SNX29: variants seen among roughly 807,000 people sequenced by gnomAD.
SNX29 encodes the protein sorting nexin-29.
In SNX29, 78 loss-of-function variants were observed where a neutral mutation model predicts 102.1. That is an observed-to-expected ratio of 0.76 (90% CI 0.64 to 0.92). The LOEUF is 0.92. Among genes scored for constraint, SNX29 ranks in the 40% least tolerant of loss-of-function variants. The pLI, the probability that SNX29 is intolerant of heterozygous loss-of-function variation, is 0.00. For missense variants in SNX29, 1,280 were observed against 1,061.7 expected (o/e 1.21, Z -2.86); for synonymous variants, 580 against 414.5 (o/e 1.40, Z -4.85).
At chr16:12,403,931 T>A (rs911729950) in intron 18 of SNX29, among the ~76,000 whole-genome samples, 6 of 152,098 alleles carry the variant, frequency 3.9e-5, no homozygotes, top group Non-Finnish European at 8.8e-5. Flanking sequence ...AGGCCAGCTG[T>A]CCGTGGGTTG....
At chr16:12,564,039 T>A (rs1567212604) in intron 20 of SNX29, among the ~76,000 whole-genome samples, 1 of 147,114 alleles carries the variant, frequency 6.8e-6, no homozygotes, top group South Asian at 2.2e-4. Context: ...GTTGCACCGG[T>A]AAAAGGTTGT....
At chr16:11,992,925 G>T (rs1210571288) in intron 1 of SNX29, among the ~76,000 whole-genome samples, 1 of 152,088 alleles carries the variant, frequency 6.6e-6, no homozygotes, top group Non-Finnish European at 1.5e-5. Flanking sequence ...ACTTCAGGAG[G>T]CTGAGGTGGG....
chr16:12,554,763 C>G (rs571547819), intron 20 of SNX29, among the ~76,000 whole-genome samples: 4 of 147,550 alleles, frequency 2.7e-5, no homozygotes, highest in African/African-American at 8.1e-5. Flanking sequence ...TTAGAACGTG[C>G]TCTCTCCCCC....
rs186557017 is a variant in SNX29, at chr16:12,542,066, C to G, written c.2318+17225C>G. Among the ~76,000 whole-genome samples the G allele has an allele frequency of 7.8e-4, 118 of 152,026 alleles. 1 individual carries two copies. In the Middle Eastern group the frequency reaches 0.01, roughly 13 times the overall value. On this transcript the variant is annotated intron_variant, in intron 20 of 20. Coordinates refer to ENST00000566228, the MANE Select transcript of SNX29 (RefSeq NM_032167.5). ...AGTTTGGCAAAGATATTCCTAGTCA[C>G]CAGTTAGTCCAAATCCTGCAATATT...
chr16:12,294,127 C>G (rs1015438709), intron 15 of SNX29, among the ~76,000 whole-genome samples: 12 of 152,376 alleles, frequency 7.9e-5, no homozygotes, highest in Admixed American at 7.2e-4. Flanking sequence ...AATCGAAATC[C>G]TAGCTCTAGG....
intron 16 of SNX29, among the ~76,000 whole-genome samples, chr16:12,379,985 G>A (rs1260533124): frequency 1.3e-5 from 2 of 152,078 alleles, no homozygotes; most frequent in East Asian, 1.9e-4. Flanking sequence ...ATGTCACAGA[G>A]CAAGTTGTCC....
At chr16:12,114,878 A>G (rs2053633789) in intron 11 of SNX29, among the ~76,000 whole-genome samples, 1 of 152,174 alleles carries the variant, frequency 6.6e-6, no homozygotes, top group Non-Finnish European at 1.5e-5. Flanking sequence ...AATCTATAAA[A>G]TGGGTTTGAT....
intron 3 of SNX29, among the ~76,000 whole-genome samples, chr16:12,023,315 A>T (rs1372442604): frequency 3.3e-5 from 5 of 151,070 alleles, no homozygotes; most frequent in African/African-American, 1.2e-4. Flanking sequence ...AATGGCAAGG[A>T]GGCAGCTGAC....
chr16:12,016,410 A>G (rs904204102), intron 3 of SNX29, among the ~76,000 whole-genome samples: 6 of 152,184 alleles, frequency 3.9e-5, no homozygotes, highest in Non-Finnish European at 8.8e-5. Flanking sequence ...CCAGTAGTTC[A>G]TAAGTCTACC....
chr16:12,125,981 T>A (rs1374157193), intron 11 of SNX29, among the ~76,000 whole-genome samples: 1 of 152,172 alleles, frequency 6.6e-6, no homozygotes, highest in Non-Finnish European at 1.5e-5. Flanking sequence ...TGGGGCTGAT[T>A]TCCCATATTG....
At chr16:12,500,502 T>A (rs9935286) in intron 19 of SNX29, among the ~76,000 whole-genome samples, 3 of 152,106 alleles carry the variant, frequency 2.0e-5, no homozygotes, top group Non-Finnish European at 4.4e-5. Flanking sequence ...CCCATGCCGT[T>A]ATGTGGATGA....
intron 15 of SNX29, among the ~76,000 whole-genome samples, chr16:12,282,974 T>A (rs1474105989): frequency 1.3e-5 from 2 of 152,162 alleles, no homozygotes; most frequent in Non-Finnish European, 2.9e-5. Context: ...AAGTCTTAAC[T>A]AGAGCTCAGA....
intron 20 of SNX29, among the ~76,000 whole-genome samples, chr16:12,567,166 A>T (rs1417411466): frequency 1.3e-5 from 2 of 152,200 alleles, no homozygotes; most frequent in Non-Finnish European, 2.9e-5. Flanking sequence ...CTGGGGGTGG[A>T]TGTTCCTGAT....
chr16:12,011,832 G>T (rs1477475583), intron 3 of SNX29, among the ~76,000 whole-genome samples: 1 of 152,020 alleles, frequency 6.6e-6, no homozygotes, highest in Non-Finnish European at 1.5e-5. Context: ...TTTAAACCTC[G>T]CATGCACCAT....
At chr16:12,455,116 C>A (rs774637430) in intron 18 of SNX29, among the ~76,000 whole-genome samples, 9 of 152,186 alleles carry the variant, frequency 5.9e-5, no homozygotes, top group Admixed American at 1.3e-4. Context: ...GAGTAGGAGG[C>A]AAGATAGCTG....
chr16:12,009,252 T>C lies in SNX29; in HGVS notation c.122+6209T>C, dbSNP rs113734304. On this transcript the variant is annotated intron_variant, in intron 3 of 20. Transcript: ENST00000566228. Reference sequence around the variant, plus strand: ...AGCTGCCAAGGTGTTGGTGGATGAGTAATGTTTCGAGTAGAGACAGTGCTA... The same window carrying C: ...AGCTGCCAAGGTGTTGGTGGATGAGCAATGTTTCGAGTAGAGACAGTGCTA... Among the ~76,000 whole-genome samples the C allele has an allele frequency of 5.0e-3, 765 of 152,000 alleles. 10 individuals carry two copies. The highest frequency in any genetic ancestry group is 0.017 in the African/African-American group (703 of 41,422).
At chr16:12,237,263 T>A (rs1306640523) in intron 14 of SNX29, among the ~76,000 whole-genome samples, 2 of 152,190 alleles carry the variant, frequency 1.3e-5, no homozygotes, top group African/African-American at 4.8e-5. Flanking sequence ...GTGTTTCCTC[T>A]CATGCACAGC....
chr16:12,347,343 A>T (rs1597016742), intron 15 of SNX29, among the ~76,000 whole-genome samples: 1 of 152,170 alleles, frequency 6.6e-6, no homozygotes, highest in African/African-American at 2.4e-5. Flanking sequence ...CTGGCTCATC[A>T]GGGCAAGCCT....
chr16:12,349,681 G>A (rs980803011), intron 15 of SNX29, among the ~76,000 whole-genome samples: 2 of 152,144 alleles, frequency 1.3e-5, no homozygotes, highest in Non-Finnish European at 2.9e-5. Flanking sequence ...ACTTGTATAG[G>A]CATCTAAAAG....
Sources: allele counts gnomAD v4.1 joint callset (sites outside exome capture counted in the v4.1 genomes callset), GRCh38; gene constraint gnomAD v4.1.1; transcripts MANE v1.5; gene names NCBI Gene and HGNC (gene_info 2026-07-23, HGNC 2026-07-21).